The following ASTN2 variants were observed in gnomAD, a reference collection of about 807,000 sequenced individuals.
ASTN2 encodes the protein astrotactin-2.
A neutral mutation model predicts 139.8 loss-of-function variants in ASTN2; 54 were observed. The observed-to-expected ratio is 0.39, with a 90% CI of 0.31 to 0.48. The LOEUF (loss-of-function observed/expected upper bound fraction) is 0.48. Ranked by LOEUF, ASTN2 falls within the 20% of genes least tolerant of loss-of-function variation. ASTN2 has a pLI of 0.95. For synonymous variants in ASTN2, 756 were observed against 719.5 expected, an observed-to-expected ratio of 1.05 and a Z score of -0.81; for missense variants, 1,565 against 1,725.1, an observed-to-expected ratio of 0.91 and a Z score of 1.64.
At chr9:116,697,364 A>T (rs897391125) in intron 16 of ASTN2, 1 of 280,950 alleles carries the variant, frequency 3.6e-6, no homozygotes, top group Non-Finnish European at 6.9e-6. Context: ...TATTACTTCT[A>T]TTTTACAGAT....
At chr9:116,957,867 G>A (rs1049998982) in intron 10 of ASTN2, among the ~76,000 whole-genome samples, 1 of 152,156 alleles carries the variant, frequency 6.6e-6, no homozygotes, top group Admixed American at 6.5e-5. Flanking sequence ...TTTTCACTGA[G>A]ACGGGGTTTC....
At chr9:117,305,723 C>T (rs1834982296) in intron 1 of ASTN2, among the ~76,000 whole-genome samples, 1 of 152,214 alleles carries the variant, frequency 6.6e-6, no homozygotes, top group Admixed American at 6.5e-5. Context: ...AATAAAAAGG[C>T]TAACACTTAT....
At chr9:116,758,394 G>A (rs1172615827) in intron 13 of ASTN2, among the ~76,000 whole-genome samples, 7 of 152,150 alleles carry the variant, frequency 4.6e-5, no homozygotes, top group Non-Finnish European at 1.0e-4. Context: ...TCACAGGACA[G>A]ACATGTGCCA....
At chr9:117,087,439 G>T (rs972615641) in intron 5 of ASTN2, among the ~76,000 whole-genome samples, 8 of 152,072 alleles carry the variant, frequency 5.3e-5, no homozygotes, top group Middle Eastern at 3.2e-3. Context: ...TGTTGCCCAG[G>T]CTGGTCCGGA....
chr9:116,564,003 C>T (rs4836755), intron 19 of ASTN2, among the ~76,000 whole-genome samples: 24,139 of 152,108 alleles, frequency 0.16, 2,086 homozygotes, highest in African/African-American at 0.21. Context: ...CATTTATATA[C>T]CATAAACTCT....
At chr9:116,795,553 C>A (rs114451739) in intron 13 of ASTN2, among the ~76,000 whole-genome samples, 1,726 of 152,290 alleles carry the variant, frequency 0.011, 38 homozygotes, top group African/African-American at 0.039. Flanking sequence ...TTCCCATGAC[C>A]CTCACCCCCA....
chr9:116,932,206 C>T (rs974094872), intron 10 of ASTN2, among the ~76,000 whole-genome samples: 3 of 152,036 alleles, frequency 2.0e-5, no homozygotes, highest in African/African-American at 4.8e-5. Context: ...ATGTGAAGCC[C>T]GGTGCCAGGT....
chr9:116,993,702 T>C (rs1836925446), intron 7 of ASTN2, among the ~76,000 whole-genome samples: 1 of 147,998 alleles, frequency 6.8e-6, no homozygotes, highest in African/African-American at 2.5e-5. Flanking sequence ...CATGATAAAG[T>C]GTATCATATA....
intron 2 of ASTN2, among the ~76,000 whole-genome samples, chr9:117,263,033 T>A (rs1278574927): frequency 6.6e-6 from 1 of 152,182 alleles, no homozygotes; most frequent in African/African-American, 2.4e-5. Context: ...CCATTTTAAA[T>A]TTCTAAACTA....
At chr9:116,649,346 G>T (rs1857775487) in intron 17 of ASTN2, among the ~76,000 whole-genome samples, 1 of 152,074 alleles carries the variant, frequency 6.6e-6, no homozygotes. Flanking sequence ...GCCGAGGTGG[G>T]TGGATCACCT....
chr9:116,492,917 C>T (rs111695750), intron 19 of ASTN2, among the ~76,000 whole-genome samples: 3 of 152,252 alleles, frequency 2.0e-5, no homozygotes, highest in African/African-American at 7.2e-5. Context: ...GAGATTGGGG[C>T]CAGTCTTCCA....
intron 20 of ASTN2, among the ~76,000 whole-genome samples, chr9:116,486,353 G>T (rs537708555): frequency 2.6e-5 from 4 of 152,186 alleles, no homozygotes; most frequent in Non-Finnish European, 5.9e-5. Flanking sequence ...ATTGATGAAT[G>T]AATAAATTAA....
In ASTN2 at chr9:116,699,616, C is replaced by G; in HGVS notation, c.2806+26155G>C. 6.2e-7 allele frequency: 1 copy of G among 1,614,180 alleles called. No individual in the cohort carries two copies. Among genetic ancestry groups the G allele is most frequent in the Non-Finnish European group, 8.5e-7 (1 of 1,180,028 alleles). Reference sequence around the variant, plus strand: ...ACCTGTCCGGTGGGCATAGCCCTAACTCCTAAGGGGCAGCTGCTGGTCTTG... The same window carrying G: ...ACCTGTCCGGTGGGCATAGCCCTAAGTCCTAAGGGGCAGCTGCTGGTCTTG... On this transcript the variant is annotated intron_variant, in intron 16 of 22. Transcript: ENST00000313400. This position sits in a 1 kb window ranked among gnomAD's most constrained non-coding sequence, Gnocchi z 4.2.
chr9:116,475,797 C>T (rs183235071), intron 20 of ASTN2, among the ~76,000 whole-genome samples: 56 of 152,256 alleles, frequency 3.7e-4, no homozygotes, highest in Non-Finnish European at 6.8e-4. Flanking sequence ...CTGGAAGCTT[C>T]CCCATACTCC....
At chr9:116,443,203 G>C (rs780383945) in intron 20 of ASTN2, among the ~76,000 whole-genome samples, 1 of 152,168 alleles carries the variant, frequency 6.6e-6, no homozygotes, top group Non-Finnish European at 1.5e-5. Context: ...CCTAAGACCT[G>C]AATAGTGAGG....
chr9:117,181,219 A>G, intron 3 of ASTN2: 1 of 599,870 alleles, frequency 1.7e-6, no homozygotes, highest in Non-Finnish European at 3.0e-6. Context: ...GAGTATTTCA[A>G]TTATTCTTCA....
chr9:117,318,626 C>G (rs10739489), intron 1 of ASTN2, among the ~76,000 whole-genome samples: 63,300 of 151,436 alleles, frequency 0.42, 13,527 homozygotes, highest in East Asian at 0.52. Flanking sequence ...CCCAGCTTGA[C>G]ACTCTCACAG....
chr9:117,348,882 CAAAAAA>C (rs58386335), intron 1 of ASTN2, among the ~76,000 whole-genome samples: 6 of 130,410 alleles, frequency 4.6e-5, no homozygotes, highest in African/African-American at 1.7e-4. Flanking sequence ...TGTCTCTGTC[CAAAAAA>C]AAAAAAAAAA....
At chr9:117,150,379 T>C (rs955705440) in intron 3 of ASTN2, among the ~76,000 whole-genome samples, 3 of 152,154 alleles carry the variant, frequency 2.0e-5, no homozygotes, top group Admixed American at 6.6e-5. Context: ...AGAAAGGTAA[T>C]GGACATCCCA....
Sources: gnomAD v4.1 joint callset for allele counts (sites outside exome capture counted in the v4.1 genomes callset) on GRCh38, gnomAD v4.1.1 for gene constraint, Gnocchi (gnomAD v3.1) non-coding constraint, MANE v1.5 for transcripts, NCBI Gene and HGNC (gene_info 2026-07-23, HGNC 2026-07-21) for gene names.